TRIM37: variants seen among roughly 807,000 people sequenced by gnomAD.
The protein encoded by TRIM37 is E3 ubiquitin-protein ligase TRIM37.
A neutral mutation model predicts 129.8 loss-of-function variants in TRIM37; 80 were observed. That is an observed-to-expected ratio of 0.62 (90% CI 0.51 to 0.74). The LOEUF (loss-of-function observed/expected upper bound fraction) is 0.74, where lower values mean the gene tolerates loss of function less well. TRIM37 is among the 30% of genes least tolerant of loss of function. The pLI is 0.00. For missense variants in TRIM37, 1,054 were observed against 1,176.5 expected (o/e 0.90, Z 1.52); for synonymous variants, 389 against 387.1 (o/e 1.00, Z -0.06).
rs188927359 is a variant in TRIM37, at chr17:59,013,506, G to C, written c.2577-1060C>G. ...TCTTCTGTATTAAAAAAGCTACATA[G>C]TCACAGTTCCTTAAATATACACAAA... On this transcript the variant is annotated intron_variant, in intron 21 of 23. Coordinates refer to ENST00000262294, the MANE Select transcript of TRIM37 (RefSeq NM_015294.6). Among the ~76,000 whole-genome samples the C allele has an allele frequency of 1.6e-3, 239 of 151,998 alleles. 3 individuals are homozygous for C. The South Asian group carries it at 0.017, about 11-fold the overall frequency.
chr17:59,051,000 G>C (rs922139021), intron 14 of TRIM37, among the ~76,000 whole-genome samples: 3 of 151,924 alleles, frequency 2.0e-5, no homozygotes, highest in Non-Finnish European at 2.9e-5. Context: ...AATAAATAAA[G>C]TAAAATAAAA....
At position 59,007,205 on chromosome 17, in the gene TRIM37, ACT is replaced by A. The variant is rs1555635950; in HGVS notation, c.2695+5121_2695+5122del. Among the ~76,000 whole-genome samples, 58 of 59,658 alleles carry A rather than the reference ACT, an allele frequency of 9.7e-4. 1 individual carries two copies. Among genetic ancestry groups the A allele is most frequent in the Non-Finnish European group, 1.5e-3 (53 of 35,454 alleles). The allele number at this position is 59,658 out of a possible 152,430, so 39.1% of individuals were successfully genotyped here. A position where few individuals can be genotyped will look rare whatever the true frequency, so the allele number is the denominator to read the frequency against. On this transcript the variant is annotated intron_variant, in intron 22 of 23. Transcript: ENST00000262294. ...CACACACACACACACACACACACAC[ACT>A]AAAACCACCCCACCCCCACCCACCC...
At chr17:59,014,225 T>G (rs986789835) in intron 21 of TRIM37, among the ~76,000 whole-genome samples, 4 of 152,234 alleles carry the variant, frequency 2.6e-5, no homozygotes, top group African/African-American at 9.6e-5. Flanking sequence ...GTTTTGGTAA[T>G]GAGCCAGACC....
At chr17:59,057,871 G>A (rs2041109405) in intron 12 of TRIM37, among the ~76,000 whole-genome samples, 1 of 151,972 alleles carries the variant, frequency 6.6e-6, no homozygotes, top group Non-Finnish European at 1.5e-5. Context: ...ATGGCAATAG[G>A]TCCTTTTTTC....
Position 59,035,007 on chromosome 17 carries a change from G to A in TRIM37, c.1754-2917C>T, listed in dbSNP as rs73317300. On this transcript the variant is annotated intron_variant, in intron 17 of 23. Transcript: ENST00000262294. ...CTTCTTTGGTCAACATTATTCATGA[G>A]ATTCATCTATATGGCTGTATATAGA... is the stretch of plus-strand genomic sequence containing the variant. 9.6e-3 allele frequency among the ~76,000 whole-genome samples: 1,455 copies of A among 152,122 alleles called. 31 individuals are homozygous for A. Among genetic ancestry groups the A allele is most frequent in the African/African-American group, 0.033 (1,350 of 41,502 alleles).
intron 9 of TRIM37, among the ~76,000 whole-genome samples, chr17:59,068,494 A>G (rs1477139953): frequency 6.6e-6 from 1 of 152,238 alleles, no homozygotes; most frequent in African/African-American, 2.4e-5. Context: ...AGGGGATGAA[A>G]TGGTTCAGAA....
chr17:59,094,146 G>T (rs2147380293), intron 2 of TRIM37, among the ~76,000 whole-genome samples: 1 of 152,076 alleles, frequency 6.6e-6, no homozygotes, highest in African/African-American at 2.4e-5. Flanking sequence ...TGCCCGCCTG[G>T]GCCTCCCAAA....
chr17:58,978,157 A>T (rs2143800304), downstream of TRIM37, among the ~76,000 whole-genome samples: 1 of 152,296 alleles, frequency 6.6e-6, no homozygotes, highest in Non-Finnish European at 1.5e-5. Flanking sequence ...GTTTTAGTGC[A>T]ATGGAAAGGA....
rs1338327551 is a variant in TRIM37 at position 59,079,985 on chromosome 17, G to A, written c.493-108C>T. 4.5e-6 allele frequency: 6 copies of A among 1,320,334 alleles called. No individual in the cohort carries two copies. In the African/African-American group the frequency reaches 8.8e-5, roughly 19 times the overall value. The allele number at this position is 1,320,334 out of a possible 1,614,324, so 81.8% of individuals were successfully genotyped here. The stretch of plus-strand genomic sequence containing the variant: ...GATAATATGAAAAAGGTAGTTAGAG[G>A]AAGGTCAAATGGAAATGACCCAACT... On this transcript the variant is annotated intron_variant, in intron 6 of 23. Coordinates refer to ENST00000262294, the MANE Select transcript of TRIM37 (RefSeq NM_015294.6).
intron 24 of TRIM37, among the ~76,000 whole-genome samples, chr17:58,989,806 G>A (rs2032178825): frequency 6.6e-6 from 1 of 152,138 alleles, no homozygotes; most frequent in Non-Finnish European, 1.5e-5. Flanking sequence ...AAGATAATGG[G>A]CAGAAGAAAT....
At chr17:59,106,300 G>T in intron 1 of TRIM37, 141 bp downstream of exon 1, 1 of 972,080 alleles carries the variant, frequency 1.0e-6, no homozygotes, top group Non-Finnish European at 1.6e-6. Context: ...GGCATCCTTG[G>T]TACCGGGCCA....
Position 59,038,761 on chromosome 17 carries a change from C to G in TRIM37, c.1753+3052G>C, listed in dbSNP as rs77215800. 6.7e-4 allele frequency among the ~76,000 whole-genome samples: 102 copies of G among 152,290 alleles called. No homozygotes were observed. The East Asian group carries it at 0.014, about 21-fold the overall frequency. ...CAGTCAGTAAGACCTAATGCCATAC[C>G]AGACAAGGATTAAGTCACACGCTCC... On this transcript the variant is annotated intron_variant, in intron 17 of 23. Coordinates refer to ENST00000262294, the MANE Select transcript of TRIM37 (RefSeq NM_015294.6).
At chr17:58,973,737 G>A in the TRIM37 span, among the ~76,000 whole-genome samples, 1 of 152,042 alleles carries the variant, frequency 6.6e-6, no homozygotes, top group African/African-American at 2.4e-5. Flanking sequence ...CAGATCATGA[G>A]GTCAGGAGAT....
chr17:58,972,373 T>TG, the TRIM37 span: 6 of 1,303,638 alleles, frequency 4.6e-6, 1 homozygote, highest in South Asian at 9.0e-5. Flanking sequence ...TTTTTTGAGA[T>TG]GGAGTTTCAC....
intron 4 of TRIM37, 70 bp downstream of exon 4, chr17:59,088,221 C>T (rs746751155): frequency 2.1e-6 from 2 of 947,384 alleles, no homozygotes; most frequent in South Asian, 2.6e-5. Flanking sequence ...AGGCAACTAC[C>T]AATATAGTGT....
intron 24 of TRIM37, chr17:58,985,120 G>A (rs2031676791): frequency 6.6e-6 from 1 of 152,626 alleles, no homozygotes; most frequent in African/African-American, 2.4e-5. Context: ...GTTCATTCAG[G>A]TAAGGTGTAT....
chr17:59,106,311 G>C (rs905821743), intron 1 of TRIM37, 130 bp downstream of exon 1: 1 of 1,097,916 alleles, frequency 9.1e-7, no homozygotes, highest in Non-Finnish European at 1.4e-6. Flanking sequence ...TACCGGGCCA[G>C]CCCTCTCCAC....
chr17:58,967,359 A>G, the TRIM37 span, among the ~76,000 whole-genome samples: 65 of 152,348 alleles, frequency 4.3e-4, 1 homozygote, highest in African/African-American at 1.5e-3. Flanking sequence ...TGATATGCTC[A>G]TATAAGATGC....
At chr17:59,077,696 G>C (rs1208861671) in intron 7 of TRIM37, among the ~76,000 whole-genome samples, 1 of 150,786 alleles carries the variant, frequency 6.6e-6, no homozygotes, top group African/African-American at 2.4e-5. Context: ...TGTAGTCCCA[G>C]CTACTTGGGA....
Sources: gnomAD v4.1 joint callset for allele counts (sites outside exome capture counted in the v4.1 genomes callset) on GRCh38, gnomAD v4.1.1 for gene constraint, MANE v1.5 for transcripts, NCBI Gene and HGNC (gene_info 2026-07-23, HGNC 2026-07-21) for gene names.